Variants in WWC1 observed in about 807,000 individuals in gnomAD.
The protein encoded by WWC1 is protein KIBRA.
WWC1 carries 55 observed loss-of-function variants against 138.4 expected under a neutral mutation model. The observed-to-expected ratio is 0.40, with a 90% confidence interval of 0.32 to 0.50. WWC1 has a LOEUF of 0.50. Ranked by LOEUF, WWC1 falls within the 20% of genes least tolerant of loss-of-function variation. WWC1 has a pLI of 0.72. For missense variants in WWC1, 1,226 were observed against 1,420.4 expected, an observed-to-expected ratio of 0.86 and a Z score of 2.20; for synonymous variants, 524 against 564.9, an observed-to-expected ratio of 0.93 and a Z score of 1.03.
chr5:168,307,046 G>A (rs1225902135), intron 1 of WWC1, among the ~76,000 whole-genome samples: 3 of 152,196 alleles, frequency 2.0e-5, no homozygotes, highest in Non-Finnish European at 2.9e-5. Context: ...CGCAGCCTGT[G>A]GACAGGAACT....
chr5:168,306,142 A>G (rs1245813774), intron 1 of WWC1, among the ~76,000 whole-genome samples: 1 of 152,202 alleles, frequency 6.6e-6, no homozygotes, highest in Non-Finnish European at 1.5e-5. Flanking sequence ...TCACGCCTGT[A>G]ATCCCAACAC....
At chr5:168,331,958 C>T (rs1044883228) in intron 1 of WWC1, among the ~76,000 whole-genome samples, 10 of 151,980 alleles carry the variant, frequency 6.6e-5, no homozygotes, top group African/African-American at 2.4e-4. Flanking sequence ...CCAGCCTGGC[C>T]AACATGAGGG....
intron 15 of WWC1, among the ~76,000 whole-genome samples, chr5:168,434,407 G>C (rs1370581241): frequency 6.6e-6 from 1 of 152,206 alleles, no homozygotes; most frequent in Non-Finnish European, 1.5e-5. Flanking sequence ...CCGGACAGCA[G>C]GATGTGTGGA....
chr5:168,428,814 A>G (rs756653766), intron 13 of WWC1, 27 bp downstream of exon 13: 1 of 1,612,508 alleles, frequency 6.2e-7, no homozygotes, highest in Non-Finnish European at 8.5e-7. Context: ...AGGAGGACAG[A>G]AGGAACGGTC....
intron 1 of WWC1, among the ~76,000 whole-genome samples, chr5:168,295,382 G>A (rs1048753505): frequency 3.3e-5 from 5 of 152,054 alleles, no homozygotes; most frequent in African/African-American, 7.2e-5. Context: ...AACTTATTCC[G>A]GGGGGTGGTG....
At chr5:168,360,353 T>A (rs1343408356) in intron 1 of WWC1, among the ~76,000 whole-genome samples, 1 of 152,234 alleles carries the variant, frequency 6.6e-6, no homozygotes, top group Non-Finnish European at 1.5e-5. Context: ...AATGAAATTT[T>A]GCTTTTATTA....
rs1042997759 is a variant in WWC1 at position 168,343,590 on chromosome 5, G to A, written c.120-27834G>A. 2.6e-5 allele frequency among the ~76,000 whole-genome samples: 4 copies of A among 152,174 alleles called. No homozygotes were observed. The South Asian group carries it at 6.2e-4, about 24-fold the overall frequency. On this transcript the variant is annotated intron_variant, in intron 1 of 22. Transcript: ENST00000265293. The stretch of plus-strand genomic sequence containing the variant: ...TGTAATCCCAACACTTTGGGAGGCC[G>A]AGGTGGGCGGATCACAAAGTCAAGA...
intron 21 of WWC1, among the ~76,000 whole-genome samples, chr5:168,465,548 CTTTTTTTTTTTTTTTTT>C (rs10527141): frequency 2.1e-5 from 1 of 46,950 alleles, no homozygotes; most frequent in East Asian, 7.4e-4. Context: ...ATCAGCTGGG[CTTTTTTTTTTTTTTTTT>C]TTTTTTTTTT....
At chr5:168,397,020 AGAT>A (rs1442156219) in intron 3 of WWC1, among the ~76,000 whole-genome samples, 1 of 152,224 alleles carries the variant, frequency 6.6e-6, no homozygotes, top group Non-Finnish European at 1.5e-5. Context: ...AAAAATATAA[AGAT>A]GATAATATCA....
intron 1 of WWC1, among the ~76,000 whole-genome samples, chr5:168,350,158 T>C (rs1774824974): frequency 6.6e-6 from 1 of 152,190 alleles, no homozygotes; most frequent in African/African-American, 2.4e-5. Context: ...TCTTAGTTTC[T>C]CTCCTCCTGA....
rs1267334748 is a variant in WWC1, at chr5:168,464,944, G to A, written c.3132G>A (p.Leu1044=). 1.2e-6 allele frequency: 2 copies of A among 1,614,034 alleles called. No homozygotes were observed. The highest frequency in any genetic ancestry group is 1.7e-6 in the Non-Finnish European group (2 of 1,179,946). The change falls in exon 21 of 23, where the codon CTG becomes CTA. Residue 1044 remains leucine (L), a synonymous_variant. Coordinates refer to ENST00000265293, the MANE Select transcript of WWC1 (RefSeq NM_015238.3). ...LREDERFRLL[L]RMLEKRQMDR... ...AGGACGAGCGTTTCCGCCTGCTGCT[G>A]AGGATGCTGGAGAAGCGGGTGAGTT...
chr5:168,357,485 TGTGTGTGTGCGCGCGC>T (rs1483429830), intron 1 of WWC1, among the ~76,000 whole-genome samples: 34 of 77,902 alleles, frequency 4.4e-4, no homozygotes, highest in African/African-American at 1.1e-3. Context: ...TGTGTGTGTG[TGTGTGTGTGCGCGCGC>T]GCACGCATGC....
chr5:168,347,963 G>T lies in WWC1; in HGVS notation c.120-23461G>T, dbSNP rs182063418. On this transcript the variant is annotated intron_variant, in intron 1 of 22. Transcript: ENST00000265293. ...GGCTTATCAAGCTGGGATCTGCCCT[G>T]TTGGAAGGGTCAGAGGAGTCATGCT... 1.1e-4 allele frequency among the ~76,000 whole-genome samples: 16 copies of T among 152,336 alleles called. No homozygotes were observed. In the East Asian group the frequency reaches 3.1e-3, roughly 29 times the overall value.
chr5:168,394,004 A>G (rs1778701948), intron 3 of WWC1, among the ~76,000 whole-genome samples: 1 of 152,250 alleles, frequency 6.6e-6, no homozygotes, highest in Non-Finnish European at 1.5e-5. Context: ...TAGTGTTTGC[A>G]GAGTAAAAAT....
Position 168,430,117 on chromosome 5 carries a change from T to C in WWC1, c.2001-20T>C. ...GAGTGTGTTACTAATAGGTACTTCATATGCCCCTTTTCATTTCAGGTATGA... is the reference window on the plus strand; with the variant it reads ...GAGTGTGTTACTAATAGGTACTTCACATGCCCCTTTTCATTTCAGGTATGA... On this transcript the variant is annotated intron_variant, in intron 13 of 22. Coordinates refer to ENST00000265293, the MANE Select transcript of WWC1 (RefSeq NM_015238.3). 3 of 1,579,140 alleles carry C rather than the reference T, an allele frequency of 1.9e-6. No homozygotes were observed. Among genetic ancestry groups the C allele is most frequent in the South Asian group, 2.2e-5 (2 of 90,092 alleles).
chr5:168,306,901 T>G (rs1770610645), intron 1 of WWC1, among the ~76,000 whole-genome samples: 1 of 152,222 alleles, frequency 6.6e-6, no homozygotes, highest in South Asian at 2.1e-4. Context: ...CCAGCCAGTC[T>G]AAGCTACTTT....
At chr5:168,465,548 C>CTTTTTTTTTTTTTT (rs10527141) in intron 21 of WWC1, among the ~76,000 whole-genome samples, 1,020 of 46,950 alleles carry the variant, frequency 0.022, 490 homozygotes, top group African/African-American at 0.026. Flanking sequence ...ATCAGCTGGG[C>CTTTTTTTTTTTTTT]TTTTTTTTTT....
At chr5:168,339,832 T>TTCTTTTC (rs796623514) in intron 1 of WWC1, among the ~76,000 whole-genome samples, 1 of 48,268 alleles carries the variant, frequency 2.1e-5, no homozygotes, top group Non-Finnish European at 8.9e-5. Context: ...CTTTCTTTCT[T>TTCTTTTC]TTTCTTTTCT....
At chr5:168,434,383 C>T (rs1230472461) in intron 15 of WWC1, among the ~76,000 whole-genome samples, 1 of 152,024 alleles carries the variant, frequency 6.6e-6, no homozygotes, top group African/African-American at 2.4e-5. Flanking sequence ...CCTGTCCTCT[C>T]CCACGCAGAG....
Sources: allele counts gnomAD v4.1 joint callset (sites outside exome capture counted in the v4.1 genomes callset), GRCh38; gene constraint gnomAD v4.1.1; transcripts MANE v1.5; gene names NCBI Gene and HGNC (gene_info 2026-07-23, HGNC 2026-07-21).